TYR: variants seen among roughly 807,000 people sequenced by gnomAD.
The protein encoded by TYR is LB24-AB.
In TYR, 58 loss-of-function variants were observed where a neutral mutation model predicts 51.5. The ratio of observed to expected loss-of-function variants is 1.13; its 90% confidence interval spans 0.91 to 1.40. TYR has a LOEUF of 1.40. TYR is among the 40% of genes most tolerant of loss of function. The pLI is 0.00. For missense variants in TYR, 732 were observed against 647.4 expected (o/e 1.13, Z -1.42); for synonymous variants, 263 against 235.2 (o/e 1.12, Z -1.08).
intron 1 of TYR, among the ~76,000 whole-genome samples, chr11:89,189,139 A>G (rs187425187): frequency 4.6e-5 from 7 of 152,126 alleles, no homozygotes; most frequent in African/African-American, 1.4e-4. Context: ...AAAATACACT[A>G]AAGATGAAGT....
chr11:89,210,159 AAC>A (rs1943733471), intron 2 of TYR, among the ~76,000 whole-genome samples: 1 of 152,204 alleles, frequency 6.6e-6, no homozygotes, highest in African/African-American at 2.4e-5. Context: ...GGTGGGTAAT[AAC>A]AAACATCTCC....
intron 2 of TYR, among the ~76,000 whole-genome samples, chr11:89,207,990 CA>C (rs1471879485): frequency 3.9e-5 from 6 of 152,108 alleles, no homozygotes; most frequent in African/African-American, 1.2e-4. Context: ...TTTTTAAGGC[CA>C]GGGGCGGTGG....
chr11:89,206,983 GA>G (rs1170795437), intron 2 of TYR, among the ~76,000 whole-genome samples: 3 of 152,042 alleles, frequency 2.0e-5, no homozygotes, highest in Non-Finnish European at 2.9e-5. Flanking sequence ...ATTGTGCTGA[GA>G]GGGGGAAGTA....
At chr11:89,179,502 G>A (rs1943272427) in intron 1 of TYR, among the ~76,000 whole-genome samples, 1 of 151,948 alleles carries the variant, frequency 6.6e-6, no homozygotes, top group African/African-American at 2.4e-5. Context: ...TATTTTAGAG[G>A]TTATAAAGGT....
At chr11:89,215,936 C>T (rs12808381) in intron 2 of TYR, among the ~76,000 whole-genome samples, 32,989 of 151,944 alleles carry the variant, frequency 0.22, 5,177 homozygotes, top group African/African-American at 0.45. Flanking sequence ...GTTTGTTAAA[C>T]ATAGAAAACC....
intron 1 of TYR, among the ~76,000 whole-genome samples, chr11:89,181,828 T>C (rs1323120650): frequency 6.6e-6 from 1 of 152,104 alleles, no homozygotes; most frequent in Non-Finnish European, 1.5e-5. Flanking sequence ...AAGTCAACAA[T>C]GTTATTTCTT....
chr11:89,282,943 C>G (rs557144050), intron 3 of TYR, among the ~76,000 whole-genome samples: 5 of 151,774 alleles, frequency 3.3e-5, no homozygotes, highest in Non-Finnish European at 5.9e-5. Context: ...TACCACTTAA[C>G]TGTGTATTTT....
chr11:89,188,257 A>G (rs77005360), intron 1 of TYR, among the ~76,000 whole-genome samples: 2,171 of 152,006 alleles, frequency 0.014, 48 homozygotes, highest in African/African-American at 0.05. Context: ...GACCATACTT[A>G]TTAGACTGTA....
chr11:89,266,381 A>G (rs931147195), intron 3 of TYR, among the ~76,000 whole-genome samples: 1 of 151,938 alleles, frequency 6.6e-6, no homozygotes, highest in African/African-American at 2.4e-5. Flanking sequence ...TTTAGATGGC[A>G]TCTCTGTGTT....
intron 2 of TYR, among the ~76,000 whole-genome samples, chr11:89,202,417 GT>G (rs149476385): frequency 1.6e-4 from 23 of 147,842 alleles, no homozygotes; most frequent in East Asian, 9.9e-4. Flanking sequence ...AAATGAAGCA[GT>G]TTTTTTTTTA....
intron 2 of TYR, among the ~76,000 whole-genome samples, chr11:89,213,473 G>A (rs1943789295): frequency 6.6e-6 from 1 of 152,106 alleles, no homozygotes; most frequent in African/African-American, 2.4e-5. Flanking sequence ...CAATGCTCAT[G>A]GATAGGAAGA....
chr11:89,205,771 A>G (rs1943664236), intron 2 of TYR, among the ~76,000 whole-genome samples: 1 of 152,170 alleles, frequency 6.6e-6, no homozygotes, highest in Non-Finnish European at 1.5e-5. Context: ...AAGGGAAATG[A>G]TAAAATAAAC....
intron 2 of TYR, among the ~76,000 whole-genome samples, chr11:89,225,991 C>A (rs550353563): frequency 6.6e-6 from 1 of 151,608 alleles, no homozygotes; most frequent in Admixed American, 6.6e-5. Context: ...TGTTACATAC[C>A]AATGAAAAAT....
At chr11:89,197,809 T>C (rs1353053388) in intron 2 of TYR, among the ~76,000 whole-genome samples, 5 of 152,250 alleles carry the variant, frequency 3.3e-5, no homozygotes, top group Middle Eastern at 3.4e-3. Flanking sequence ...TTTCTAACAA[T>C]TGGTCCTTGT....
At chr11:89,271,231 A>G (rs1944585278) in intron 3 of TYR, among the ~76,000 whole-genome samples, 1 of 151,892 alleles carries the variant, frequency 6.6e-6, no homozygotes, top group Non-Finnish European at 1.5e-5. Context: ...AATCCCTTGT[A>G]GTAAGTACTA....
intron 3 of TYR, among the ~76,000 whole-genome samples, chr11:89,248,438 G>A (rs550714763): frequency 1.8e-3 from 267 of 152,236 alleles, no homozygotes; most frequent in Middle Eastern, 3.4e-3. Context: ...TGAGACCACG[G>A]AGAAGAGGTA....
At chr11:89,225,621 A>C (rs1249499088) in intron 2 of TYR, among the ~76,000 whole-genome samples, 1 of 151,914 alleles carries the variant, frequency 6.6e-6, no homozygotes, top group Non-Finnish European at 1.5e-5. Context: ...AGAAGAGTTT[A>C]AGTTGTTTTT....
intron 4 of TYR, among the ~76,000 whole-genome samples, chr11:89,289,267 G>A (rs1382006704): frequency 6.6e-6 from 1 of 152,082 alleles, no homozygotes; most frequent in Non-Finnish European, 1.5e-5. Context: ...ACTGTTCACA[G>A]TAACTGCAGT....
chr11:89,273,719 T>C (rs1944617881), intron 3 of TYR, among the ~76,000 whole-genome samples: 2 of 151,932 alleles, frequency 1.3e-5, no homozygotes, highest in Admixed American at 6.6e-5. Flanking sequence ...GGTATACCTG[T>C]TCCACAGACT....
Sources: gnomAD v4.1 joint callset for allele counts (sites outside exome capture counted in the v4.1 genomes callset) on GRCh38, gnomAD v4.1.1 for gene constraint, MANE v1.5 for transcripts, NCBI Gene and HGNC (gene_info 2026-07-23, HGNC 2026-07-21) for gene names.